RASA1: variants seen among roughly 807,000 people sequenced by gnomAD.
RASA1 encodes ras GTPase-activating protein 1.
Under a neutral mutation model 132.2 loss-of-function variants are expected in RASA1, and 25 were observed. The ratio of observed to expected loss-of-function variants is 0.19; its 90% confidence interval spans 0.14 to 0.26. The LOEUF (loss-of-function observed/expected upper bound fraction) is 0.26. Ranked by LOEUF, RASA1 falls within the 10% of genes least tolerant of loss-of-function variation. RASA1 has a pLI of 1.00. For synonymous variants in RASA1, 477 were observed against 449.9 expected, an observed-to-expected ratio of 1.06 and a Z score of -0.76; for missense variants, 964 against 1,299.2, an observed-to-expected ratio of 0.74 and a Z score of 3.97.
chr5:87,286,029 G>A (rs1300987231), intron 1 of RASA1, among the ~76,000 whole-genome samples: 2 of 151,736 alleles, frequency 1.3e-5, no homozygotes, highest in African/African-American at 4.8e-5. Flanking sequence ...TTGTGATGGA[G>A]TTTCGCTCTG....
intron 1 of RASA1, among the ~76,000 whole-genome samples, chr5:87,300,200 T>G (rs181949843): frequency 1.3e-4 from 20 of 152,096 alleles, no homozygotes; most frequent in Admixed American, 5.9e-4. Context: ...GGAGACCCTG[T>G]CTCTACAAAA....
At chr5:87,381,880 T>C (rs1006526104) in intron 20 of RASA1, among the ~76,000 whole-genome samples, 1 of 152,212 alleles carries the variant, frequency 6.6e-6, no homozygotes, top group African/African-American at 2.4e-5. Flanking sequence ...AGACCTACTA[T>C]GTATAATTAT....
chr5:87,371,798 G>GTATC lies in RASA1; in HGVS notation c.1699-318_1699-315dup, dbSNP rs560276713. On this transcript the variant is annotated intron_variant, in intron 12 of 24. Transcript: ENST00000274376. ...TTATACAGTTAATTTCCCCAAGGTA[G>GTATC]TATCTGTTTGGGAGAAATAGTTTCT... is the stretch of plus-strand genomic sequence containing the variant. 2.6e-5 allele frequency among the ~76,000 whole-genome samples: 4 copies of GTATC among 152,182 alleles called. No individual in the cohort carries two copies. The East Asian group carries it at 5.8e-4, about 22-fold the overall frequency.
At chr5:87,385,467 G>A (rs1328753065) in intron 22 of RASA1, 78 bp downstream of exon 22, 1 of 1,146,112 alleles carries the variant, frequency 8.7e-7, no homozygotes, top group Non-Finnish European at 1.3e-6. Context: ...TGTGGCTTAA[G>A]TAAATTTTTA....
chr5:87,298,137 C>T (rs187175539), intron 1 of RASA1, among the ~76,000 whole-genome samples: 3 of 152,050 alleles, frequency 2.0e-5, no homozygotes, highest in East Asian at 1.9e-4. Flanking sequence ...AGGCTGGGCA[C>T]GGTGGCTCAC....
Position 87,390,962 on chromosome 5 carries a change from C to A in RASA1, c.*79C>A. ...ACTTCAGTTTAATGTCTCCTTTGCT[C>A]TTGCCAAAAAATAGCACACTTTTCC... On this transcript the variant is annotated 3_prime_UTR_variant, in exon 25 of 25. Coordinates refer to ENST00000274376, the MANE Select transcript of RASA1 (RefSeq NM_002890.3). 2 of 1,412,920 alleles carry A rather than the reference C, an allele frequency of 1.4e-6. No individual in the cohort carries two copies. The highest frequency in any genetic ancestry group is 1.2e-5 in the South Asian group (1 of 85,934). The allele number at this position is 1,412,920 out of a possible 1,614,324, so 87.5% of individuals were successfully genotyped here. A position where few individuals can be genotyped will look rare whatever the true frequency, so the allele number is the denominator to read the frequency against.
At chr5:87,331,639 A>G in intron 2 of RASA1, 139 bp downstream of exon 2, 1 of 1,006,372 alleles carries the variant, frequency 9.9e-7, no homozygotes, top group Non-Finnish European at 1.5e-6. Flanking sequence ...AAATGATTTA[A>G]TCAGTGATTT....
At chr5:87,374,740 TA>T in intron 14 of RASA1, 99 bp from the exon 15 acceptor site, 6 of 1,492,660 alleles carry the variant, frequency 4.0e-6, no homozygotes, top group East Asian at 2.4e-5. Flanking sequence ...TTTTTTTTTT[TA>T]AAGCAGAAAT....
intron 8 of RASA1, among the ~76,000 whole-genome samples, chr5:87,350,498 A>G (rs981920215): frequency 6.6e-6 from 1 of 151,828 alleles, no homozygotes; most frequent in Non-Finnish European, 1.5e-5. Context: ...AATAATTTAC[A>G]TGAATTTATT....
chr5:87,270,404 G>C (rs1753773962), intron 1 of RASA1, among the ~76,000 whole-genome samples: 1 of 148,630 alleles, frequency 6.7e-6, no homozygotes, highest in African/African-American at 2.5e-5. Flanking sequence ...CTGGAGTGCA[G>C]TGGCGTGATC....
Position 87,378,650 on chromosome 5 carries a change from C to T in RASA1, c.2487+112C>T, listed in dbSNP as rs528238721. ...ATATATTAAATTTCTAAAATTATTCCTCATAGCAGTTACACCTGTCTGTAA... is the reference window on the plus strand; with the variant it reads ...ATATATTAAATTTCTAAAATTATTCTTCATAGCAGTTACACCTGTCTGTAA... On this transcript the variant is annotated intron_variant, in intron 18 of 24. Coordinates refer to ENST00000274376, the MANE Select transcript of RASA1 (RefSeq NM_002890.3). 6.2e-5 allele frequency: 72 copies of T among 1,165,518 alleles called. No homozygotes were observed. The East Asian group carries it at 1.3e-3, about 21-fold the overall frequency. The allele number at this position is 1,165,518 out of a possible 1,614,324, so 72.2% of individuals were successfully genotyped here.
At chr5:87,305,533 C>T (rs1479531195) in intron 1 of RASA1, among the ~76,000 whole-genome samples, 1 of 152,132 alleles carries the variant, frequency 6.6e-6, no homozygotes, top group African/African-American at 2.4e-5. Context: ...TATAAAAACC[C>T]TGGAAGACAA....
intron 1 of RASA1, among the ~76,000 whole-genome samples, chr5:87,310,997 A>G (rs1466632938): frequency 6.6e-6 from 1 of 152,216 alleles, no homozygotes; most frequent in East Asian, 1.9e-4. Context: ...TATTAATTTT[A>G]TTAAGTTGCA....
At chr5:87,324,242 T>A (rs16902625) in intron 1 of RASA1, among the ~76,000 whole-genome samples, 10,017 of 152,216 alleles carry the variant, frequency 0.066, 741 homozygotes, top group African/African-American at 0.18. Context: ...GTGCTGTAGG[T>A]ACTAATACTA....
chr5:87,374,124 T>C, intron 13 of RASA1, 39 bp from the exon 14 acceptor site: 7 of 1,293,560 alleles, frequency 5.4e-6, no homozygotes, highest in Non-Finnish European at 6.9e-6. Context: ...ATTCTAGAAA[T>C]CTGGGGTAAT....
At chr5:87,310,327 C>T (rs1458673307) in intron 1 of RASA1, among the ~76,000 whole-genome samples, 1 of 152,056 alleles carries the variant, frequency 6.6e-6, no homozygotes, top group African/African-American at 2.4e-5. Flanking sequence ...TAGAATTTAT[C>T]ATCAAAATAT....
In RASA1 at chr5:87,385,340, T is replaced by C. The variant is rs1164091147; in HGVS notation, c.2798T>C (p.Val933Ala). ...ATTGCTGCAAGAACACTGATATTAGTGGCTAAATCTGTGCAGAACTTAGCA... is the reference window on the plus strand; with the variant it reads ...ATTGCTGCAAGAACACTGATATTAGCGGCTAAATCTGTGCAGAACTTAGCA... ...SPIAARTLIL[V>A]AKSVQNLANL... is the part of the protein sequence containing the mutation. Residue 933 changes from valine (V) to alanine (A), a missense_variant, in exon 22 of 25, where the codon GTG becomes GCG. Val to Ala is a moderately conservative substitution (Grantham distance 64). Transcript: ENST00000274376. 6.2e-7 allele frequency: 1 copy of C among 1,611,626 alleles called. No individual in the cohort carries two copies. Among genetic ancestry groups the C allele is most frequent in the Non-Finnish European group, 8.5e-7 (1 of 1,177,972 alleles).
rs1322642637 is a variant in RASA1 at position 87,287,830 on chromosome 5, C to T, written c.539+18840C>T. On this transcript the variant is annotated intron_variant, in intron 1 of 24. Transcript: ENST00000274376. ...CATATATATACCATATATACACACA[C>T]CATATATATACCATATATACACACA... 9.9e-5 allele frequency among the ~76,000 whole-genome samples: 12 copies of T among 120,630 alleles called. 1 individual carries two copies. Among genetic ancestry groups the T allele is most frequent in the Non-Finnish European group, 2.0e-4 (12 of 58,894 alleles). 79.1% of individuals were successfully genotyped at this position (120,630 alleles called of 152,430 possible). A position where few individuals can be genotyped will look rare whatever the true frequency, so the allele number is the denominator to read the frequency against.
intron 3 of RASA1, 66 bp downstream of exon 3, chr5:87,332,708 T>C: frequency 7.0e-7 from 1 of 1,435,938 alleles, no homozygotes; most frequent in Admixed American, 1.8e-5. Flanking sequence ...GTTTTAGCTA[T>C]TGCTCAGTTT....
Sources: gnomAD v4.1 joint callset for allele counts (sites outside exome capture counted in the v4.1 genomes callset) on GRCh38, gnomAD v4.1.1 for gene constraint, MANE v1.5 for transcripts, NCBI Gene and HGNC (gene_info 2026-07-23, HGNC 2026-07-21) for gene names.